The following RAB37 variants were observed in gnomAD, a reference collection of about 807,000 sequenced individuals.
The protein encoded by RAB37 is ras-related protein Rab-37.
In RAB37, 29 loss-of-function variants were observed where a neutral mutation model predicts 33.1. The ratio of observed to expected loss-of-function variants is 0.88; its 90% CI spans 0.65 to 1.20. The LOEUF (loss-of-function observed/expected upper bound fraction) is 1.20, where lower values mean the gene tolerates loss of function less well. Ranked by LOEUF, RAB37 falls within the 50% of genes most tolerant of loss-of-function variation. RAB37 has a pLI of 0.00. For synonymous variants in RAB37, 128 were observed against 119.5 expected (o/e 1.07, Z -0.47); for missense variants, 299 against 301.1 (o/e 0.99, Z 0.05).
At chr17:74,718,430 G>T (rs1238002590) in intron 1 of RAB37, among the ~76,000 whole-genome samples, 2 of 151,932 alleles carry the variant, frequency 1.3e-5, no homozygotes, top group Admixed American at 1.3e-4. Flanking sequence ...AAAAAAAAAG[G>T]GCTCTTTGAT....
intron 1 of RAB37, among the ~76,000 whole-genome samples, chr17:74,706,839 G>T (rs1037171): frequency 6.6e-6 from 1 of 151,980 alleles, no homozygotes; most frequent in Non-Finnish European, 1.5e-5. Context: ...ACTCCAGCCC[G>T]GGTCCTGGGG....
upstream of RAB37, chr17:74,736,761 T>C (rs1256631643): frequency 2.0e-6 from 3 of 1,535,514 alleles, no homozygotes; most frequent in East Asian, 2.4e-5. Context: ...CAAAACTATA[T>C]TCAGATGAGC....
intron 1 of RAB37, among the ~76,000 whole-genome samples, chr17:74,692,755 T>C (rs533665283): frequency 1.3e-5 from 2 of 152,310 alleles, no homozygotes; most frequent in African/African-American, 4.8e-5. Flanking sequence ...AAAAGGAGTC[T>C]GTCCACGTCA....
At chr17:74,733,761 T>G (rs1190992036), upstream of RAB37, among the ~76,000 whole-genome samples, 1 of 151,912 alleles carries the variant, frequency 6.6e-6, no homozygotes, top group Non-Finnish European at 1.5e-5. Context: ...ACAGCCCCTG[T>G]TCCCTGTTCT....
At chr17:74,684,115 A>G (rs2032007563) in intron 1 of RAB37, among the ~76,000 whole-genome samples, 1 of 150,748 alleles carries the variant, frequency 6.6e-6, no homozygotes. Flanking sequence ...TATTGAGACG[A>G]GTCTCTCTCT....
intron 1 of RAB37, among the ~76,000 whole-genome samples, chr17:74,681,046 C>T (rs2031944706): frequency 6.6e-6 from 1 of 152,236 alleles, no homozygotes; most frequent in Non-Finnish European, 1.5e-5. Flanking sequence ...TGCCAGTCCC[C>T]AGGAACAAAA....
At chr17:74,715,927 G>A (rs1472940749) in intron 1 of RAB37, among the ~76,000 whole-genome samples, 1 of 152,178 alleles carries the variant, frequency 6.6e-6, no homozygotes, top group Non-Finnish European at 1.5e-5. Context: ...CTACTAAGGA[G>A]GCTGAGGCAA....
intron 1 of RAB37, among the ~76,000 whole-genome samples, chr17:74,675,755 A>T (rs2031816856): frequency 6.6e-6 from 1 of 152,212 alleles, no homozygotes; most frequent in South Asian, 2.1e-4. Context: ...ACATACGCCA[A>T]ATATCATGAT....
chr17:74,735,069 AAG>A (rs2034454712), upstream of RAB37, among the ~76,000 whole-genome samples: 1 of 147,954 alleles, frequency 6.8e-6, no homozygotes, highest in Admixed American at 6.7e-5. Flanking sequence ...AAGAGAAAGA[AAG>A]GGAAAAGAAG....
Position 74,744,819 on chromosome 17 carries a change from G to T in RAB37, c.433-54G>T. 6.2e-7 allele frequency: 1 copy of T among 1,608,078 alleles called. No homozygotes were observed. Among genetic ancestry groups the T allele is most frequent in the Non-Finnish European group, 8.5e-7 (1 of 1,174,550 alleles). The stretch of plus-strand genomic sequence containing the variant: ...ACGCCTGCTTCTGGGGCAAAATATG[G>T]GCCCGCTGGGGCGGAGGCCTCCTTC... On this transcript the variant is annotated intron_variant, in intron 6 of 8. Transcript: ENST00000392613. The surrounding 1 kb of genome is among the most constrained non-coding windows in gnomAD (Gnocchi z 4.2).
Position 74,745,091 on chromosome 17 carries a change from G to A in RAB37, c.566+7G>A, listed in dbSNP as rs761348156. 7 of 1,613,874 alleles carry A rather than the reference G, an allele frequency of 4.3e-6. No individual in the cohort carries two copies. The highest frequency in any genetic ancestry group is 1.1e-5 in the South Asian group (1 of 91,082). On this transcript the variant is annotated splice_region_variant and intron_variant, in intron 8 of 8. Coordinates refer to ENST00000392613, the MANE Select transcript of RAB37 (RefSeq NM_001006638.3). The surrounding 1 kb of genome is among the most constrained non-coding windows in gnomAD (Gnocchi z 4.5). The stretch of plus-strand genomic sequence containing the variant: ...CCTTTCTGGCCATCGCCAAGTGAGA[G>A]CTGGGCAGGGAAGGGAAGTGTGCGG...
At chr17:74,735,233 AG>A (rs2034458563), upstream of RAB37, among the ~76,000 whole-genome samples, 1 of 148,110 alleles carries the variant, frequency 6.8e-6, no homozygotes, top group Non-Finnish European at 1.5e-5. Flanking sequence ...AGGGGAGGGA[AG>A]GGGAGAGAAA....
At chr17:74,696,446 C>A (rs1325445411) in intron 1 of RAB37, among the ~76,000 whole-genome samples, 1 of 152,196 alleles carries the variant, frequency 6.6e-6, no homozygotes, top group Admixed American at 6.5e-5. Flanking sequence ...CACCCCAGCC[C>A]CCTGCTCCCC....
chr17:74,738,755 G>A lies in RAB37; in HGVS notation c.93+1390G>A, dbSNP rs1264182295. Among the ~76,000 whole-genome samples the A allele has an allele frequency of 6.6e-6, 1 of 152,074 alleles. No homozygotes were observed. The highest frequency in any genetic ancestry group is 1.9e-4 in the East Asian group (1 of 5,178). On this transcript the variant is annotated intron_variant, in intron 1 of 8. Coordinates refer to ENST00000392613, the MANE Select transcript of RAB37 (RefSeq NM_001006638.3). This position sits in a 1 kb window ranked among gnomAD's most constrained non-coding sequence, Gnocchi z 5.0. ...CGGAGAGTTGGTCCCCAGCCTCCCCGGGCCTGCCCCAGGGGAGTGAGTCCA... is the reference window on the plus strand; with the variant it reads ...CGGAGAGTTGGTCCCCAGCCTCCCCAGGCCTGCCCCAGGGGAGTGAGTCCA...
Position 74,729,228 on chromosome 17 carries a change from C to T in RAB37, c.73-28C>T. 6.4e-7 allele frequency: 1 copy of T among 1,559,382 alleles called. No individual in the cohort carries two copies. The highest frequency in any genetic ancestry group is 8.8e-7 in the Non-Finnish European group (1 of 1,130,138). ...GAGGCCAACTCACATCACAGGCCCT[C>T]AGCTCTCTCTCTATTGTTCCCTTCC... On this transcript the variant is annotated intron_variant, in intron 1 of 7. Coordinates refer to the RAB37 transcript ENST00000340415. This position sits in a 1 kb window ranked among gnomAD's most constrained non-coding sequence, Gnocchi z 4.2.
chr17:74,689,698 A>G (rs964311948), intron 1 of RAB37, among the ~76,000 whole-genome samples: 2 of 152,228 alleles, frequency 1.3e-5, no homozygotes, highest in African/African-American at 2.4e-5. Flanking sequence ...ATTTATTGGT[A>G]CATGAAATCA....
upstream of RAB37, chr17:74,736,757 T>A (rs2144052859): frequency 2.0e-6 from 3 of 1,535,526 alleles, no homozygotes; most frequent in East Asian, 2.4e-5. Flanking sequence ...TAAACAAAAC[T>A]ATATTCAGAT....
chr17:74,716,564 T>C (rs2034166923), intron 1 of RAB37, among the ~76,000 whole-genome samples: 2 of 152,324 alleles, frequency 1.3e-5, no homozygotes, highest in African/African-American at 2.4e-5. Context: ...GGTGATGCGT[T>C]TCTCATTTTT....
Position 74,742,286 on chromosome 17 carries a change from G to A in RAB37, c.237G>A (p.Val79=), listed in dbSNP as rs1018631179. The A allele has an allele frequency of 1.2e-6, 2 of 1,613,124 alleles. No individual in the cohort carries two copies. The highest frequency in any genetic ancestry group is 2.7e-5 in the African/African-American group (2 of 74,916). Residue 79 remains valine, a synonymous_variant, in exon 3 of 9, where the codon GTG becomes GTA. Transcript: ENST00000392613. The surrounding 1 kb of genome is among the most constrained non-coding windows in gnomAD (Gnocchi z 4.0). ...NKVVTVDGVR[V]KLQIWDTAGQ... ...TGGTGACTGTGGATGGCGTGAGAGT[G>A]AAGCTGCAGGTGAGACCAGAGGCTG...
Sources: gnomAD v4.1 joint callset for allele counts (sites outside exome capture counted in the v4.1 genomes callset) on GRCh38, gnomAD v4.1.1 for gene constraint, Gnocchi (gnomAD v3.1) non-coding constraint, MANE v1.5 for transcripts, NCBI Gene and HGNC (gene_info 2026-07-23, HGNC 2026-07-21) for gene names.